DGKB: variants seen among roughly 807,000 people sequenced by gnomAD.
The protein encoded by DGKB is diacylglycerol kinase beta.
DGKB carries 67 observed loss-of-function variants against 114.3 expected under a neutral mutation model. The ratio of observed to expected loss-of-function variants is 0.59; its 90% CI spans 0.48 to 0.72. The LOEUF (loss-of-function observed/expected upper bound fraction) is 0.72. Ranked by LOEUF, DGKB falls within the 30% of genes least tolerant of loss-of-function variation. DGKB has a pLI of 0.00. For synonymous variants in DGKB, 398 were observed against 323.1 expected (o/e 1.23, Z -2.49); for missense variants, 907 against 975.2 (o/e 0.93, Z 0.93).
chr7:14,294,571 C>T (rs1007706678), intron 23 of DGKB, among the ~76,000 whole-genome samples: 5 of 152,172 alleles, frequency 3.3e-5, no homozygotes, highest in Non-Finnish European at 7.4e-5. Context: ...GGAGGAAGTG[C>T]AAGTTTATTC....
At chr7:14,767,221 T>G (rs1055808949) in intron 2 of DGKB, among the ~76,000 whole-genome samples, 3 of 151,722 alleles carry the variant, frequency 2.0e-5, no homozygotes, top group South Asian at 2.1e-4. Context: ...AAAAAAAAAT[T>G]TTTAAACACC....
intron 23 of DGKB, among the ~76,000 whole-genome samples, chr7:14,249,732 TA>T (rs1794961412): frequency 6.6e-6 from 1 of 152,138 alleles, no homozygotes; most frequent in Non-Finnish European, 1.5e-5. Context: ...TTTTTTATCC[TA>T]GTCTAATTAA....
chr7:14,840,311 C>T (rs1020876373), intron 2 of DGKB, among the ~76,000 whole-genome samples: 1 of 152,074 alleles, frequency 6.6e-6, no homozygotes, highest in South Asian at 2.1e-4. Flanking sequence ...ATTGCATTCT[C>T]TATATATTGC....
In DGKB at chr7:14,185,192, G is replaced by C. The variant is rs963766743; in HGVS notation, c.2123-7041C>G. ...TTCAGTTTCCAGATGCAGGATTAATGTACACAAATCAGTAGCTCTTGTACA... is the reference window on the plus strand; with the variant it reads ...TTCAGTTTCCAGATGCAGGATTAATCTACACAAATCAGTAGCTCTTGTACA... On this transcript the variant is annotated intron_variant, in intron 23 of 25. Transcript: ENST00000402815. Among the ~76,000 whole-genome samples, 3 of 152,268 alleles carry C rather than the reference G, an allele frequency of 2.0e-5. No individual in the cohort carries two copies. In the South Asian group the frequency reaches 6.2e-4, roughly 32 times the overall value.
At chr7:14,682,052 T>A (rs1473385255) in intron 12 of DGKB, among the ~76,000 whole-genome samples, 1 of 94,872 alleles carries the variant, frequency 1.1e-5, no homozygotes, top group South Asian at 3.8e-4. Flanking sequence ...ACAATCTGCT[T>A]AACTTTTTTG....
intron 1 of DGKB, among the ~76,000 whole-genome samples, chr7:14,923,276 T>C (rs927694021): frequency 1.3e-5 from 2 of 152,200 alleles, no homozygotes; most frequent in African/African-American, 4.8e-5. Context: ...TATAAAAAGT[T>C]CTCAGGTGTT....
intron 23 of DGKB, among the ~76,000 whole-genome samples, chr7:14,182,143 G>A (rs1032384879): frequency 1.3e-5 from 2 of 151,934 alleles, no homozygotes; most frequent in African/African-American, 4.8e-5. Context: ...CCTACTTTAA[G>A]AAAAGATAAT....
intron 23 of DGKB, among the ~76,000 whole-genome samples, chr7:14,210,684 T>G (rs1787616293): frequency 6.6e-6 from 1 of 152,078 alleles, no homozygotes. Flanking sequence ...ACAAAGATTA[T>G]GTCCCTCTCT....
intron 1 of DGKB, among the ~76,000 whole-genome samples, chr7:14,845,482 T>A (rs907405651): frequency 1.3e-5 from 2 of 152,228 alleles, no homozygotes; most frequent in Non-Finnish European, 2.9e-5. Flanking sequence ...AGGTTTGCCC[T>A]TGATTTTCAT....
intron 20 of DGKB, among the ~76,000 whole-genome samples, chr7:14,562,652 T>C (rs1443404993): frequency 6.6e-6 from 1 of 152,130 alleles, no homozygotes; most frequent in African/African-American, 2.4e-5. Flanking sequence ...CCCTATTTGA[T>C]TTTGGACTTC....
At chr7:14,943,028 A>T (rs760208696) in intron 1 of DGKB, among the ~76,000 whole-genome samples, 2 of 151,942 alleles carry the variant, frequency 1.3e-5, no homozygotes, top group Non-Finnish European at 2.9e-5. Flanking sequence ...TAATTAAATG[A>T]CCATGTTGTA....
At chr7:14,527,352 T>G (rs1022064815) in intron 20 of DGKB, among the ~76,000 whole-genome samples, 16 of 152,252 alleles carry the variant, frequency 1.1e-4, no homozygotes, top group African/African-American at 3.8e-4. Flanking sequence ...TAGATAAATA[T>G]TTGAAAACTT....
At chr7:14,377,173 C>T (rs937308697) in intron 21 of DGKB, among the ~76,000 whole-genome samples, 2 of 152,032 alleles carry the variant, frequency 1.3e-5, no homozygotes, top group Admixed American at 1.3e-4. Context: ...TTCCTCTGAC[C>T]CACAGTGCAG....
At chr7:14,837,326 G>A (rs1409651426) in intron 2 of DGKB, among the ~76,000 whole-genome samples, 1 of 152,068 alleles carries the variant, frequency 6.6e-6, no homozygotes, top group Non-Finnish European at 1.5e-5. Flanking sequence ...TGGCAATTGT[G>A]GAGGAAATGT....
chr7:14,942,179 C>T (rs960225443), intron 1 of DGKB, among the ~76,000 whole-genome samples: 64 of 151,672 alleles, frequency 4.2e-4, no homozygotes, highest in African/African-American at 9.4e-4. Context: ...TTCCTCATTC[C>T]GGATCCTGAA....
chr7:14,535,009 C>A (rs917997544), intron 20 of DGKB, among the ~76,000 whole-genome samples: 70 of 152,068 alleles, frequency 4.6e-4, no homozygotes, highest in African/African-American at 1.6e-3. Context: ...AACAACATAT[C>A]AAAGCTTATG....
intron 23 of DGKB, among the ~76,000 whole-genome samples, chr7:14,226,688 T>A (rs765378143): frequency 6.6e-6 from 1 of 152,034 alleles, no homozygotes; most frequent in Non-Finnish European, 1.5e-5. Flanking sequence ...ACTAAATCTA[T>A]GTTGGCCAAA....
At chr7:14,788,955 C>A (rs925635289) in intron 2 of DGKB, among the ~76,000 whole-genome samples, 2 of 152,058 alleles carry the variant, frequency 1.3e-5, no homozygotes, top group Non-Finnish European at 2.9e-5. Context: ...CAGATAAAGC[C>A]CCCTCTGTGT....
At position 14,611,628 on chromosome 7, in the gene DGKB, G is replaced by T. The variant is rs146404873; in HGVS notation, c.1358+1712C>A. 5.0e-4 allele frequency among the ~76,000 whole-genome samples: 76 copies of T among 152,024 alleles called. No individual in the cohort carries two copies. In the East Asian group the frequency reaches 0.013, roughly 26 times the overall value. ...ATGAATAAAGAACAAAACACACGTG[G>T]ATGTGTATATAGAAGAGCTCGAAGT... On this transcript the variant is annotated intron_variant, in intron 16 of 25. Transcript: ENST00000402815.
Sources: gnomAD v4.1 joint callset for allele counts (sites outside exome capture counted in the v4.1 genomes callset) on GRCh38, gnomAD v4.1.1 for gene constraint, MANE v1.5 for transcripts, NCBI Gene and HGNC (gene_info 2026-07-23, HGNC 2026-07-21) for gene names.